Variants in CAMK1D observed in about 807,000 individuals in gnomAD.
The protein encoded by CAMK1D is calcium/calmodulin dependent protein kinase ID.
Under a neutral mutation model 47.7 loss-of-function variants are expected in CAMK1D, and 9 were observed. That is an observed-to-expected ratio of 0.19 (90% confidence interval 0.11 to 0.33). The LOEUF (loss-of-function observed/expected upper bound fraction) is 0.33. Among genes scored for constraint, CAMK1D ranks in the 10% least tolerant of loss-of-function variants. The probability of loss-of-function intolerance (pLI) is 1.00; values close to 1 mark genes in which losing one functional copy is unlikely to be tolerated. For synonymous variants in CAMK1D, 184 were observed against 184.9 expected, an observed-to-expected ratio of 0.99 and a Z score of 0.04; for missense variants, 291 against 488.7, an observed-to-expected ratio of 0.60 and a Z score of 3.81.
At chr10:12,644,396 A>G (rs1296833484) in intron 2 of CAMK1D, among the ~76,000 whole-genome samples, 2 of 152,150 alleles carry the variant, frequency 1.3e-5, no homozygotes, top group Non-Finnish European at 2.9e-5. Flanking sequence ...AATTCCCTTC[A>G]TTTTTTGCGA....
At chr10:12,438,321 C>T (rs1386617539) in intron 1 of CAMK1D, among the ~76,000 whole-genome samples, 1 of 152,120 alleles carries the variant, frequency 6.6e-6, no homozygotes, top group Non-Finnish European at 1.5e-5. Context: ...TGTTAAGCTG[C>T]CCTTGGTGTC....
At chr10:12,461,943 G>A (rs926868868) in intron 1 of CAMK1D, among the ~76,000 whole-genome samples, 1 of 151,926 alleles carries the variant, frequency 6.6e-6, no homozygotes, top group East Asian at 1.9e-4. Context: ...CAATGAACAC[G>A]CTTCTCTCGG....
intron 1 of CAMK1D, among the ~76,000 whole-genome samples, chr10:12,401,895 C>CTA (rs10635900): frequency 0.46 from 66,574 of 145,922 alleles, 14,971 homozygotes; most frequent in Admixed American, 0.51. Context: ...TATTCTCAGA[C>CTA]TATATATATA....
At chr10:12,422,526 G>GC (rs1244046682) in intron 1 of CAMK1D, among the ~76,000 whole-genome samples, 1 of 152,124 alleles carries the variant, frequency 6.6e-6, no homozygotes, top group Non-Finnish European at 1.5e-5. Context: ...GCTGCAGCAT[G>GC]CCCCCTGAAC....
chr10:12,445,815 T>G (rs1201909658), intron 1 of CAMK1D, among the ~76,000 whole-genome samples: 3 of 152,254 alleles, frequency 2.0e-5, no homozygotes, highest in South Asian at 4.1e-4. Flanking sequence ...GACTGTTGTT[T>G]GCTGGCTGAA....
chr10:12,615,590 T>C (rs1838765127), intron 2 of CAMK1D, among the ~76,000 whole-genome samples: 1 of 13,464 alleles, frequency 7.4e-5, no homozygotes, highest in South Asian at 0.023. Flanking sequence ...TGTGTAGGTG[T>C]GTATTGTGTT....
chr10:12,694,197 T>TTATATATAATATAAAA (rs1833113590), intron 3 of CAMK1D, among the ~76,000 whole-genome samples: 1 of 3,182 alleles, frequency 3.1e-4, no homozygotes, highest in Non-Finnish European at 7.8e-4. Flanking sequence ...ATAATATATA[T>TTATATATAATATAAAA]TATATATTAT....
chr10:12,402,040 T>C (rs1392621994), intron 1 of CAMK1D, among the ~76,000 whole-genome samples: 1 of 151,856 alleles, frequency 6.6e-6, no homozygotes, highest in Non-Finnish European at 1.5e-5. Context: ...GAATTACAGG[T>C]GGGTGCAACC....
chr10:12,739,245 A>T (rs1401612400), intron 3 of CAMK1D, among the ~76,000 whole-genome samples: 3 of 151,892 alleles, frequency 2.0e-5, no homozygotes, highest in Non-Finnish European at 4.4e-5. Flanking sequence ...TCAGAAAAAG[A>T]AAAAAGGTTA....
intron 2 of CAMK1D, among the ~76,000 whole-genome samples, chr10:12,615,826 G>A (rs1177556607): frequency 1.3e-5 from 2 of 149,024 alleles, no homozygotes; most frequent in Non-Finnish European, 3.0e-5. Flanking sequence ...ATAGGTATAT[G>A]TGTGCGTTCG....
At chr10:12,491,554 A>G (rs1163219366) in intron 1 of CAMK1D, among the ~76,000 whole-genome samples, 3 of 152,090 alleles carry the variant, frequency 2.0e-5, no homozygotes, top group Non-Finnish European at 4.4e-5. Flanking sequence ...AAGATCCTGT[A>G]AGTCAGCCCT....
At chr10:12,750,668 A>AGAATGAATGAAT (rs62896660) in intron 3 of CAMK1D, among the ~76,000 whole-genome samples, 1 of 151,334 alleles carries the variant, frequency 6.6e-6, no homozygotes, top group Non-Finnish European at 1.5e-5. Context: ...GGGAAAGTCA[A>AGAATGAATGAAT]GAATGAATGA....
At chr10:12,583,390 G>A (rs1421492450) in intron 2 of CAMK1D, among the ~76,000 whole-genome samples, 2 of 152,100 alleles carry the variant, frequency 1.3e-5, no homozygotes, top group East Asian at 3.9e-4. Flanking sequence ...CCCATTTTTA[G>A]TCAGCTATGT....
At chr10:12,357,440 C>T (rs1326746906) in intron 1 of CAMK1D, among the ~76,000 whole-genome samples, 3 of 152,072 alleles carry the variant, frequency 2.0e-5, no homozygotes, top group Non-Finnish European at 4.4e-5. Flanking sequence ...CTCAGCCTCC[C>T]GAGTAGGTAG....
chr10:12,669,195 G>C (rs958361648), intron 3 of CAMK1D, among the ~76,000 whole-genome samples: 6 of 152,056 alleles, frequency 3.9e-5, no homozygotes, highest in Non-Finnish European at 8.8e-5. Context: ...TTGTGCCACT[G>C]TACTCCAGCC....
intron 1 of CAMK1D, among the ~76,000 whole-genome samples, chr10:12,427,700 G>GTTTTTTTTTTTTTTT (rs768000055): frequency 0.031 from 971 of 30,990 alleles, 308 homozygotes; most frequent in East Asian, 0.038. Flanking sequence ...TGAACTTACT[G>GTTTTTTTTTTTTTTT]TTTTTTTTTT....
intron 3 of CAMK1D, among the ~76,000 whole-genome samples, chr10:12,702,052 A>G (rs575610312): frequency 6.9e-4 from 105 of 152,326 alleles, no homozygotes; most frequent in Non-Finnish European, 1.1e-3. Flanking sequence ...GCCAGAGCTC[A>G]TTTGTGTGGC....
At chr10:12,497,475 CAAAAAAAAA>C (rs56786154) in intron 1 of CAMK1D, among the ~76,000 whole-genome samples, 2 of 88,864 alleles carry the variant, frequency 2.3e-5, no homozygotes, top group African/African-American at 8.5e-5. Context: ...GACTCCATCT[CAAAAAAAAA>C]AAAAAAAAAA....
At chr10:12,639,482 C>T (rs1178330585) in intron 2 of CAMK1D, among the ~76,000 whole-genome samples, 1 of 152,148 alleles carries the variant, frequency 6.6e-6, no homozygotes, top group African/African-American at 2.4e-5. Flanking sequence ...AAGACTCTGT[C>T]TCAAAACAAG....
Sources: gnomAD v4.1 joint callset for allele counts (sites outside exome capture counted in the v4.1 genomes callset) on GRCh38, gnomAD v4.1.1 for gene constraint, MANE v1.5 for transcripts, NCBI Gene and HGNC (gene_info 2026-07-23, HGNC 2026-07-21) for gene names.